The following CDH9 variants were observed in gnomAD, a reference collection of about 807,000 sequenced individuals.
The protein encoded by CDH9 is cadherin 9.
CDH9 carries 28 observed loss-of-function variants against 70.9 expected under a neutral mutation model. That is an observed-to-expected ratio of 0.40 (90% CI 0.29 to 0.54). The LOEUF is 0.54. Ranked by LOEUF, CDH9 falls within the 20% of genes least tolerant of loss-of-function variation. The probability of loss-of-function intolerance (pLI) is 0.59; values close to 1 mark genes in which losing one functional copy is unlikely to be tolerated. For missense variants in CDH9, 874 were observed against 984.4 expected (o/e 0.89, Z 1.50); for synonymous variants, 409 against 343.1 (o/e 1.19, Z -2.12).
intron 2 of CDH9, 46 bp from the exon 3 acceptor site, chr5:26,915,970 C>T: frequency 7.7e-7 from 1 of 1,306,264 alleles, no homozygotes; most frequent in South Asian, 1.4e-5. Context: ...TATACATTAT[C>T]ATTACATAAA....
intron 2 of CDH9, among the ~76,000 whole-genome samples, chr5:26,968,538 G>T (rs755180056): frequency 6.6e-6 from 1 of 151,940 alleles, no homozygotes; most frequent in Admixed American, 6.6e-5. Context: ...CACCCACCTC[G>T]GCCTCTCAAA....
intron 2 of CDH9, among the ~76,000 whole-genome samples, chr5:26,920,878 C>T (rs1741232646): frequency 6.6e-6 from 1 of 152,120 alleles, no homozygotes; most frequent in South Asian, 2.1e-4. Context: ...ACTTGAGACG[C>T]CTTCCCAAGA....
chr5:27,003,700 C>CA (rs1742810001), intron 1 of CDH9, among the ~76,000 whole-genome samples: 1 of 151,810 alleles, frequency 6.6e-6, no homozygotes, highest in Admixed American at 6.6e-5. Context: ...CCAAAGTCAT[C>CA]AAAAATAGTA....
Position 26,881,555 on chromosome 5 carries a change from C to T in CDH9, c.1951G>A (p.Asp651Asn), listed in dbSNP as rs267600596. ...KKEPLIISKD[D>N]VRDNIVTYND... Reference sequence around the variant, plus strand: ...TAGGTCACAATGTTGTCCCGGACATCGTCTTTTGAAATTATCAGAGGTTCC... The same window carrying T: ...TAGGTCACAATGTTGTCCCGGACATTGTCTTTTGAAATTATCAGAGGTTCC... The change falls in exon 12 of 12, where the codon GAT (aspartate) becomes AAT (asparagine). Residue 651 changes from aspartate to asparagine, a missense_variant. Physicochemically the swap from Asp to Asn is conservative, Grantham distance 23. Coordinates refer to ENST00000231021, the MANE Select transcript of CDH9 (RefSeq NM_016279.4). 6.2e-7 allele frequency: 1 copy of T among 1,613,510 alleles called. No homozygotes were observed. The highest frequency in any genetic ancestry group is 8.5e-7 in the Non-Finnish European group (1 of 1,179,688).
intron 2 of CDH9, among the ~76,000 whole-genome samples, chr5:26,962,198 G>A (rs1159095927): frequency 6.6e-6 from 1 of 152,010 alleles, no homozygotes; most frequent in Admixed American, 6.6e-5. Context: ...GTGTATATTT[G>A]GCACATTTTC....
In CDH9 at chr5:27,003,456, T is replaced by G. The variant is rs183199976; in HGVS notation, c.-49-15074A>C. ...TAGAAATTGCAAGAAACAAATAACTTTCCAGTGGAGAAATCTGACAAGCTA... is the reference window on the plus strand; with the variant it reads ...TAGAAATTGCAAGAAACAAATAACTGTCCAGTGGAGAAATCTGACAAGCTA... On this transcript the variant is annotated intron_variant, in intron 1 of 11. Coordinates refer to ENST00000231021, the MANE Select transcript of CDH9 (RefSeq NM_016279.4). Among the ~76,000 whole-genome samples, 3 of 152,142 alleles carry G rather than the reference T, an allele frequency of 2.0e-5. No individual in the cohort carries two copies. In the East Asian group the frequency reaches 5.8e-4, roughly 29 times the overall value.
intron 10 of CDH9, 49 bp from the exon 11 acceptor site, chr5:26,885,914 A>G: frequency 6.2e-7 from 1 of 1,600,874 alleles, no homozygotes; most frequent in Non-Finnish European, 8.5e-7. Context: ...ATTTGTTTTT[A>G]ACTGTGTATC....
chr5:27,031,989 C>A (rs1743318348), intron 1 of CDH9, among the ~76,000 whole-genome samples: 1 of 151,778 alleles, frequency 6.6e-6, no homozygotes, highest in Non-Finnish European at 1.5e-5. Context: ...TAAATAAAAT[C>A]ATCTGACATA....
chr5:26,889,037 C>T (rs1410295678), intron 9 of CDH9, among the ~76,000 whole-genome samples: 1 of 152,092 alleles, frequency 6.6e-6, no homozygotes, highest in Non-Finnish European at 1.5e-5. Context: ...GGGCTACAAA[C>T]ATTCAGTTCA....
At chr5:26,958,390 GT>G (rs1459186694) in intron 2 of CDH9, among the ~76,000 whole-genome samples, 8 of 152,114 alleles carry the variant, frequency 5.3e-5, no homozygotes, top group Non-Finnish European at 1.0e-4. Flanking sequence ...AGTCTTTCTT[GT>G]TGGTTTAACT....
At chr5:26,975,819 A>G (rs1466043154) in intron 2 of CDH9, among the ~76,000 whole-genome samples, 1 of 152,196 alleles carries the variant, frequency 6.6e-6, no homozygotes, top group Admixed American at 6.5e-5. Flanking sequence ...CTCTGAGGGT[A>G]ATTCCCAGTT....
chr5:26,890,860 C>T lies in CDH9; in HGVS notation c.1254-296G>A, dbSNP rs957116073. ...GTATCACTTGGTTCACTTATCCTAT[C>T]GTAGGCCTACTGCAGTGCTTGAGAC... is the stretch of plus-strand genomic sequence containing the variant. On this transcript the variant is annotated intron_variant, in intron 7 of 11. Transcript: ENST00000231021. The T allele has an allele frequency of 4.6e-5, 13 of 283,594 alleles. No homozygotes were observed. The East Asian group carries it at 5.5e-4, about 12-fold the overall frequency. 17.6% of individuals were successfully genotyped at this position (283,594 alleles called of 1,614,324 possible). A position where few individuals can be genotyped will look rare whatever the true frequency, so the allele number is the denominator to read the frequency against.
At chr5:26,966,224 C>T (rs1487961677) in intron 2 of CDH9, among the ~76,000 whole-genome samples, 1 of 152,158 alleles carries the variant, frequency 6.6e-6, no homozygotes, top group African/African-American at 2.4e-5. Flanking sequence ...CTCTGTAAAG[C>T]AATTCCAGCC....
chr5:26,942,525 G>A (rs752274441), intron 2 of CDH9, among the ~76,000 whole-genome samples: 9 of 152,150 alleles, frequency 5.9e-5, no homozygotes, highest in Non-Finnish European at 8.8e-5. Flanking sequence ...TTAAACTATA[G>A]TACTTGCTTA....
At chr5:27,037,871 A>C (rs78246082) in intron 1 of CDH9, among the ~76,000 whole-genome samples, 2,492 of 151,932 alleles carry the variant, frequency 0.016, 29 homozygotes, top group Middle Eastern at 0.038. Context: ...ACGTGAAGAA[A>C]CCTCTTTTAC....
chr5:26,930,876 T>C (rs1007012083), intron 2 of CDH9, among the ~76,000 whole-genome samples: 6 of 152,146 alleles, frequency 3.9e-5, no homozygotes, highest in Non-Finnish European at 7.4e-5. Flanking sequence ...CAGCCATAAA[T>C]GTATTTCTTT....
intron 1 of CDH9, among the ~76,000 whole-genome samples, chr5:27,008,379 A>G (rs1742903032): frequency 6.6e-6 from 1 of 151,996 alleles, no homozygotes; most frequent in South Asian, 2.1e-4. Flanking sequence ...AATACCAGCT[A>G]CTTGAGAGGC....
At chr5:26,926,455 T>A (rs113856067) in intron 2 of CDH9, among the ~76,000 whole-genome samples, 37 of 152,104 alleles carry the variant, frequency 2.4e-4, no homozygotes, top group African/African-American at 8.9e-4. Flanking sequence ...CACAAACAAA[T>A]GGAAGAACAT....
At chr5:26,982,681 TG>T (rs1742418783) in intron 2 of CDH9, among the ~76,000 whole-genome samples, 1 of 151,790 alleles carries the variant, frequency 6.6e-6, no homozygotes, top group South Asian at 2.1e-4. Context: ...AAGTTTTTTT[TG>T]TTTTTTTGTT....
Sources: gnomAD v4.1 joint callset for allele counts (sites outside exome capture counted in the v4.1 genomes callset) on GRCh38, gnomAD v4.1.1 for gene constraint, MANE v1.5 for transcripts, NCBI Gene and HGNC (gene_info 2026-07-23, HGNC 2026-07-21) for gene names.